Variants in SRSF1 observed in about 807,000 individuals in gnomAD.
SRSF1 encodes the protein serine/arginine-rich splicing factor 1.
A neutral mutation model predicts 25.9 loss-of-function variants in SRSF1; 1 was observed. The observed-to-expected ratio is 0.04, with a 90% CI of 0.01 to 0.18. The LOEUF (loss-of-function observed/expected upper bound fraction) is 0.18. Ranked by LOEUF, SRSF1 falls within the 10% of genes least tolerant of loss-of-function variation. The pLI, the probability that SRSF1 is intolerant of heterozygous loss-of-function variation, is 1.00. For missense variants in SRSF1, 65 were observed against 350.5 expected (o/e 0.19, Z 6.50); for synonymous variants, 132 against 126.2 (o/e 1.05, Z -0.31).
the SRSF1 span, chr17:57,992,278 A>G: frequency 2.6e-5 from 4 of 152,200 alleles, no homozygotes; most frequent in African/African-American, 9.7e-5. Context: ...AAGAAATTCA[A>G]TACAACTGGA....
At position 58,001,297 on chromosome 17, in the gene SRSF1, T is replaced by C. The variant is rs970054203; in HGVS notation, c.*4109A>G. Among the ~76,000 whole-genome samples, 4 of 152,122 alleles carry C rather than the reference T, an allele frequency of 2.6e-5. No homozygotes were observed. Among genetic ancestry groups the C allele is most frequent in the Non-Finnish European group, 5.9e-5 (4 of 67,992 alleles). On this transcript the variant is annotated 3_prime_UTR_variant, in exon 4 of 4. Coordinates refer to ENST00000258962, the MANE Select transcript of SRSF1 (RefSeq NM_006924.5). ...AAAGTTGAGATTCTACAATAAATCA[T>C]ATTAAACGCAAGCACTATGATGCAC...
downstream of SRSF1, among the ~76,000 whole-genome samples, chr17:58,000,473 A>G (rs1415330177): frequency 2.6e-5 from 4 of 152,202 alleles, no homozygotes; most frequent in Non-Finnish European, 4.4e-5. Context: ...TACAGAAACA[A>G]TAACTCAAAA....
At chr17:57,996,661 TTC>T (rs2143442352), downstream of SRSF1, among the ~76,000 whole-genome samples, 1 of 152,204 alleles carries the variant, frequency 6.6e-6, no homozygotes, top group South Asian at 2.1e-4. Context: ...TCAAGAATGC[TTC>T]AGTCATTAGG....
In SRSF1 at chr17:58,002,611, A is replaced by C. The variant is rs143659719; in HGVS notation, c.*2795T>G. 9.7e-3 allele frequency among the ~76,000 whole-genome samples: 1,472 copies of C among 152,366 alleles called. 15 individuals are homozygous for C. Among genetic ancestry groups the C allele is most frequent in the Middle Eastern group, 0.044 (13 of 294 alleles). On this transcript the variant is annotated 3_prime_UTR_variant, in exon 4 of 4. Coordinates refer to ENST00000258962, the MANE Select transcript of SRSF1 (RefSeq NM_006924.5). ...TAATCTTATGGTTGGAGAAGGGCTTATAAGGCAAAATTCTAAATGCCCAGC... is the reference window on the plus strand; with the variant it reads ...TAATCTTATGGTTGGAGAAGGGCTTCTAAGGCAAAATTCTAAATGCCCAGC...
the SRSF1 span, chr17:57,994,931 C>T: frequency 6.6e-6 from 1 of 152,192 alleles, no homozygotes; most frequent in African/African-American, 2.4e-5. Context: ...AGAATCTTCT[C>T]TACTGAAGAA....
downstream of SRSF1, among the ~76,000 whole-genome samples, chr17:57,998,902 T>C (rs546712325): frequency 6.6e-6 from 1 of 152,336 alleles, no homozygotes; most frequent in Admixed American, 6.5e-5. Context: ...AATCCCATCA[T>C]ATGGGCCTAA....
chr17:58,006,093 AG>A, intron 2 of SRSF1, 120 bp from the exon 3 acceptor site: 1 of 1,024,694 alleles, frequency 9.8e-7, no homozygotes, highest in Non-Finnish European at 1.4e-6. Context: ...AAGTGATACC[AG>A]GTAAAGAGAG....
chr17:57,998,016 G>A (rs1476499263), downstream of SRSF1, among the ~76,000 whole-genome samples: 2 of 152,238 alleles, frequency 1.3e-5, no homozygotes, highest in African/African-American at 2.4e-5. Context: ...GAAGTTCAGA[G>A]ACCAGCTGAG....
chr17:58,001,830 C>T lies in SRSF1; in HGVS notation c.*3576G>A, dbSNP rs2075393202. ...AACTACAAAACCTATGCCCCTTTAC[C>T]TAAGTAAACATTAGATCCTCTCTAA... On this transcript the variant is annotated 3_prime_UTR_variant, in exon 4 of 4. Transcript: ENST00000258962. Among the ~76,000 whole-genome samples, 1 of 152,158 alleles carries T rather than the reference C, an allele frequency of 6.6e-6. No individual in the cohort carries two copies. Among genetic ancestry groups the T allele is most frequent in the South Asian group, 2.1e-4 (1 of 4,828 alleles).
the SRSF1 span, chr17:57,989,188 T>TGC: frequency 2.5e-6 from 1 of 398,626 alleles, no homozygotes; most frequent in Non-Finnish European, 4.4e-6. Flanking sequence ...TAGGCGTCAC[T>TGC]GCTACTGGAA....
chr17:57,990,197 C>A, the SRSF1 span: 1 of 152,992 alleles, frequency 6.5e-6, no homozygotes, highest in African/African-American at 2.4e-5. Flanking sequence ...ATCTAGAAAC[C>A]CTTTCCCCAG....
chr17:57,998,788 A>AGTCCACTTT (rs2075374236), downstream of SRSF1, among the ~76,000 whole-genome samples: 1 of 152,218 alleles, frequency 6.6e-6, no homozygotes, highest in Non-Finnish European at 1.5e-5. Context: ...CCCCACAAGA[A>AGTCCACTTT]GTCCACTTTG....
downstream of SRSF1, among the ~76,000 whole-genome samples, chr17:57,999,859 C>A (rs554887984): frequency 8.5e-4 from 129 of 152,306 alleles, no homozygotes; most frequent in African/African-American, 2.9e-3. Flanking sequence ...CCACTATCTT[C>A]ATGTCCACAG....
chr17:57,996,548 A>C (rs1428714640), downstream of SRSF1, among the ~76,000 whole-genome samples: 1 of 152,046 alleles, frequency 6.6e-6, no homozygotes, highest in Non-Finnish European at 1.5e-5. Context: ...AAAACAAAGC[A>C]TACACATTAA....
downstream of SRSF1, among the ~76,000 whole-genome samples, chr17:57,996,492 A>AAAAAAC (rs1035213074): frequency 2.7e-5 from 4 of 150,588 alleles, no homozygotes; most frequent in Non-Finnish European, 5.9e-5. Context: ...TTAAAAAAAA[A>AAAAAAC]AAAAAAAAAA....
chr17:57,993,971 G>A, the SRSF1 span: 1 of 152,160 alleles, frequency 6.6e-6, no homozygotes, highest in Non-Finnish European at 1.5e-5. Context: ...GAGAGCAGAT[G>A]GCAAGTAGTC....
In SRSF1 at chr17:58,002,484, C is replaced by A. The variant is rs1481906447; in HGVS notation, c.*2922G>T. On this transcript the variant is annotated 3_prime_UTR_variant, in exon 4 of 4. Transcript: ENST00000258962. ...ATTTATTTTAGGTCCCCTCCCCCAA[C>A]CTAAATAGTACCAAGGGGCTGTCAG... 6.6e-6 allele frequency among the ~76,000 whole-genome samples: 1 copy of A among 152,176 alleles called. No homozygotes were observed. The highest frequency in any genetic ancestry group is 2.4e-5 in the African/African-American group (1 of 41,444).
chr17:57,995,598 G>A, the SRSF1 span, among the ~76,000 whole-genome samples: 1 of 152,218 alleles, frequency 6.6e-6, no homozygotes, highest in Non-Finnish European at 1.5e-5. Flanking sequence ...ATGGATCAAA[G>A]ACAGCACCAT....
At position 58,005,221 on chromosome 17, in the gene SRSF1, A is replaced by T. The variant is rs2075418799; in HGVS notation, c.*185T>A. 1 of 642,100 alleles carries T rather than the reference A, an allele frequency of 1.6e-6. No individual in the cohort carries two copies. Among genetic ancestry groups the T allele is most frequent in the Non-Finnish European group, 2.7e-6 (1 of 374,764 alleles). 39.8% of individuals were successfully genotyped at this position (642,100 alleles called of 1,614,324 possible). A position where few individuals can be genotyped will look rare whatever the true frequency, so the allele number is the denominator to read the frequency against. On this transcript the variant is annotated 3_prime_UTR_variant, in exon 4 of 4. Transcript: ENST00000258962. This position sits in a 1 kb window ranked among gnomAD's most constrained non-coding sequence, Gnocchi z 5.2. ...ACAATCCTGTCTATGACATCACTTA[A>T]AATACAATTTATCAAAGACACGAAG... is the stretch of plus-strand genomic sequence containing the variant.
Sources: allele counts gnomAD v4.1 joint callset (sites outside exome capture counted in the v4.1 genomes callset), GRCh38; gene constraint gnomAD v4.1.1; non-coding constraint Gnocchi (gnomAD v3.1); transcripts MANE v1.5; gene names NCBI Gene and HGNC (gene_info 2026-07-23, HGNC 2026-07-21).